WNT2: variants seen among roughly 807,000 people sequenced by gnomAD.
WNT2 encodes protein Wnt-2.
A neutral mutation model predicts 36.9 loss-of-function variants in WNT2; 12 were observed. The ratio of observed to expected loss-of-function variants is 0.33; its 90% CI spans 0.21 to 0.53. WNT2 has a LOEUF of 0.53. Ranked by LOEUF, WNT2 falls within the 20% of genes least tolerant of loss-of-function variation. The pLI, the probability that WNT2 is intolerant of heterozygous loss-of-function variation, is 0.95. For missense variants in WNT2, 379 were observed against 473.1 expected (o/e 0.80, Z 1.84); for synonymous variants, 163 against 174.6 (o/e 0.93, Z 0.52).
At chr7:117,288,985 A>G (rs901384039) in intron 4 of WNT2, among the ~76,000 whole-genome samples, 1 of 151,998 alleles carries the variant, frequency 6.6e-6, no homozygotes, top group Non-Finnish European at 1.5e-5. Flanking sequence ...AGAGTAAAAG[A>G]ACTGAGTCTC....
At position 117,288,082 on chromosome 7, in the gene WNT2, G is replaced by A. The variant is rs185197401; in HGVS notation, c.853+9530C>T. Among the ~76,000 whole-genome samples the A allele has an allele frequency of 3.4e-3, 519 of 152,276 alleles. 3 individuals are homozygous for A. Among genetic ancestry groups the A allele is most frequent in the African/African-American group, 0.012 (486 of 41,544 alleles). On this transcript the variant is annotated intron_variant, in intron 4 of 4. Transcript: ENST00000265441. ...TGGTCACCCAGTCTTCAGGCACCAT[G>A]GTGGCAGCAGACCAGCTAAACCTTG...
At chr7:117,313,863 T>A (rs1428880062) in intron 3 of WNT2, among the ~76,000 whole-genome samples, 1 of 152,208 alleles carries the variant, frequency 6.6e-6, no homozygotes, top group African/African-American at 2.4e-5. Context: ...ATGTTGATTT[T>A]TAAAGTTCAA....
At chr7:117,302,614 T>A (rs1489026048) in intron 3 of WNT2, among the ~76,000 whole-genome samples, 1 of 152,186 alleles carries the variant, frequency 6.6e-6, no homozygotes, top group Non-Finnish European at 1.5e-5. Flanking sequence ...CACATGGATC[T>A]TCATGCAGCT....
At chr7:117,315,393 T>A (rs1030988785) in intron 2 of WNT2, 45 bp from the exon 3 acceptor site, 2 of 1,562,922 alleles carry the variant, frequency 1.3e-6, no homozygotes, top group Admixed American at 3.8e-5. Context: ...GTAGCACTAT[T>A]TCTGAATAAC....
chr7:117,309,765 A>G (rs904965314), intron 3 of WNT2, among the ~76,000 whole-genome samples: 1 of 152,208 alleles, frequency 6.6e-6, no homozygotes, highest in African/African-American at 2.4e-5. Flanking sequence ...AGAGCTCCCA[A>G]TGAGTAGAGT....
chr7:117,284,198 A>G lies in WNT2; in HGVS notation c.854-5814T>C, dbSNP rs1794543389. Among the ~76,000 whole-genome samples, 1 of 152,260 alleles carries G rather than the reference A, an allele frequency of 6.6e-6. No homozygotes were observed. The highest frequency in any genetic ancestry group is 1.5e-5 in the Non-Finnish European group (1 of 68,042). On this transcript the variant is annotated intron_variant, in intron 4 of 4. Coordinates refer to ENST00000265441, the MANE Select transcript of WNT2 (RefSeq NM_003391.3). The surrounding 1 kb of genome is among the most constrained non-coding windows in gnomAD (Gnocchi z 5.2). ...CCTGAAAAGAACATTTCCAGAGTGC[A>G]GAATCTATACAAAATCGCTGGCATT... is the stretch of plus-strand genomic sequence containing the variant.
At chr7:117,299,482 C>G (rs1027820500) in intron 3 of WNT2, among the ~76,000 whole-genome samples, 13 of 148,804 alleles carry the variant, frequency 8.7e-5, no homozygotes. Flanking sequence ...TCCTCCTCTT[C>G]TTTCTTTCTT....
chr7:117,278,572 A>G (rs1239126515), intron 4 of WNT2, among the ~76,000 whole-genome samples, 188 bp from the exon 5 acceptor site: 1 of 152,196 alleles, frequency 6.6e-6, no homozygotes, highest in African/African-American at 2.4e-5. Context: ...AGCTGCAGAG[A>G]GTGCAGTGGT....
Position 117,321,840 on chromosome 7 carries a change from A to G in WNT2, c.84-1047T>C, listed in dbSNP as rs555862493. Among the ~76,000 whole-genome samples the G allele has an allele frequency of 3.3e-5, 5 of 152,334 alleles. No individual in the cohort carries two copies. The South Asian group carries it at 8.3e-4, about 25-fold the overall frequency. ...ATCCTGTGTCAGCAATGTCAAGGCT[A>G]AACGCCTCCCTGTTCAAAGCCGGCT... On this transcript the variant is annotated intron_variant, in intron 1 of 4. Coordinates refer to ENST00000265441, the MANE Select transcript of WNT2 (RefSeq NM_003391.3).
intron 3 of WNT2, among the ~76,000 whole-genome samples, chr7:117,305,857 G>C (rs1795005138): frequency 6.6e-6 from 1 of 152,206 alleles, no homozygotes; most frequent in Non-Finnish European, 1.5e-5. Context: ...TTATGCTGAA[G>C]ACTCTTACTC....
Position 117,320,577 on chromosome 7 carries a change from G to A in WNT2, c.300C>T (p.Val100=), listed in dbSNP as rs1362079995. 6.2e-7 allele frequency: 1 copy of A among 1,613,366 alleles called. No homozygotes were observed. Among genetic ancestry groups the A allele is most frequent in the Non-Finnish European group, 8.5e-7 (1 of 1,179,722 alleles). Residue 100 remains valine, a synonymous_variant, in exon 2 of 5, where the codon GTC becomes GTT. Transcript: ENST00000265441. The part of the protein sequence containing the change: ...LDRDHSLFGR[V]LLRSSRESAF... ...AGGCAGGAGACTTACTTCGGAGTAG[G>A]ACCCTGCCAAAAAGGCTGTGATCCC...
intron 2 of WNT2, 140 bp from the exon 3 acceptor site, chr7:117,315,488 T>C: frequency 1.1e-6 from 1 of 893,634 alleles, no homozygotes; most frequent in Non-Finnish European, 1.7e-6. Flanking sequence ...CTTGAAGGGT[T>C]CTTTTCTAGA....
chr7:117,291,348 C>T (rs575602958), intron 4 of WNT2, among the ~76,000 whole-genome samples: 1 of 152,124 alleles, frequency 6.6e-6, no homozygotes, highest in Non-Finnish European at 1.5e-5. Flanking sequence ...TCAGGGTGAC[C>T]TCTGGCCCAG....
At chr7:117,279,181 A>C (rs1349780139) in intron 4 of WNT2, among the ~76,000 whole-genome samples, 2 of 152,252 alleles carry the variant, frequency 1.3e-5, no homozygotes, top group Non-Finnish European at 2.9e-5. Context: ...TTTGTTTCTG[A>C]AAAATAATTT....
intron 4 of WNT2, among the ~76,000 whole-genome samples, chr7:117,289,951 G>A (rs887602887): frequency 6.6e-6 from 1 of 152,142 alleles, no homozygotes; most frequent in East Asian, 1.9e-4. Context: ...GGAATGACTC[G>A]CAGGTTTATG....
chr7:117,277,735 A>C lies in WNT2; in HGVS notation c.*420T>G, dbSNP rs1245431045. On this transcript the variant is annotated 3_prime_UTR_variant, in exon 5 of 5. Coordinates refer to ENST00000265441, the MANE Select transcript of WNT2 (RefSeq NM_003391.3). ...TTCTTTACTGTTCCCATCTGAGAGA[A>C]GTATGGAATTTCTTAATTGGGACCA... 2.2e-5 allele frequency: 4 copies of C among 184,894 alleles called. No individual in the cohort carries two copies. The highest frequency in any genetic ancestry group is 9.4e-5 in the African/African-American group (4 of 42,522). The allele number at this position is 184,894 out of a possible 1,614,324, so 11.5% of individuals were successfully genotyped here.
intron 4 of WNT2, among the ~76,000 whole-genome samples, 174 bp from the exon 5 acceptor site, chr7:117,278,558 T>C (rs964965694): frequency 1.3e-5 from 2 of 152,246 alleles, no homozygotes; most frequent in African/African-American, 4.8e-5. Flanking sequence ...AATCCCATTA[T>C]GCCAGCTGCA....
intron 4 of WNT2, among the ~76,000 whole-genome samples, chr7:117,287,765 A>G (rs1794613005): frequency 6.6e-6 from 1 of 152,124 alleles, no homozygotes; most frequent in Non-Finnish European, 1.5e-5. Flanking sequence ...AGGTGGGCAG[A>G]TCACTTGAGG....
intron 4 of WNT2, among the ~76,000 whole-genome samples, chr7:117,289,219 G>A (rs934274933): frequency 4.0e-5 from 6 of 151,870 alleles, no homozygotes; most frequent in African/African-American, 1.2e-4. Context: ...CACAACGCCC[G>A]GCTAATTTTT....
Sources: allele counts gnomAD v4.1 joint callset (sites outside exome capture counted in the v4.1 genomes callset), GRCh38; gene constraint gnomAD v4.1.1; non-coding constraint Gnocchi (gnomAD v3.1); transcripts MANE v1.5; gene names NCBI Gene and HGNC (gene_info 2026-07-23, HGNC 2026-07-21).